STXBP4: variants seen among roughly 807,000 people sequenced by gnomAD.
STXBP4 encodes the protein syntaxin-binding protein 4.
Under a neutral mutation model 76.1 loss-of-function variants are expected in STXBP4, and 55 were observed. The observed-to-expected ratio is 0.72, with a 90% CI of 0.58 to 0.91. The LOEUF is 0.91. Ranked by LOEUF, STXBP4 falls within the 40% of genes least tolerant of loss-of-function variation. STXBP4 has a pLI of 0.00. For missense variants in STXBP4, 618 were observed against 636.9 expected, an observed-to-expected ratio of 0.97 and a Z score of 0.32; for synonymous variants, 201 against 220.2, an observed-to-expected ratio of 0.91 and a Z score of 0.77.
At chr17:55,108,649 T>C (rs2145047153) in intron 16 of STXBP4, among the ~76,000 whole-genome samples, 1 of 152,304 alleles carries the variant, frequency 6.6e-6, no homozygotes, top group East Asian at 1.9e-4. Flanking sequence ...TGGCTTTCCT[T>C]GGATAGGGGA....
chr17:55,138,646 G>A (rs1191134701), intron 16 of STXBP4, among the ~76,000 whole-genome samples: 1 of 152,086 alleles, frequency 6.6e-6, no homozygotes, highest in Non-Finnish European at 1.5e-5. Flanking sequence ...AAAAATAGAA[G>A]CATTGTATAT....
In STXBP4 at chr17:55,172,744, G is replaced by C. The variant is rs1457856318; in HGVS notation, c.*12833G>C. The stretch of plus-strand genomic sequence containing the variant: ...AAACTAAGGCTCGGATGAGTTATGT[G>C]ACTTCCCTGAGTCATGTTAGAGTAA... On this transcript the variant is annotated 3_prime_UTR_variant, in exon 18 of 18. Transcript: ENST00000376352. 6.6e-6 allele frequency: 1 copy of C among 152,116 alleles called. No individual in the cohort carries two copies. Among genetic ancestry groups the C allele is most frequent in the Non-Finnish European group, 1.5e-5 (1 of 68,008 alleles). The allele number at this position is 152,116 out of a possible 1,614,324, so 9.4% of individuals were successfully genotyped here. A position where few individuals can be genotyped will look rare whatever the true frequency, so the allele number is the denominator to read the frequency against.
At chr17:54,969,975 A>G (rs1028819210) in intron 1 of STXBP4, among the ~76,000 whole-genome samples, 1 of 152,252 alleles carries the variant, frequency 6.6e-6, no homozygotes, top group Non-Finnish European at 1.5e-5. Flanking sequence ...GAGAAGCGGT[A>G]GTAAAGTAAG....
chr17:54,979,412 A>G (rs1189208216), intron 1 of STXBP4, among the ~76,000 whole-genome samples: 4 of 152,180 alleles, frequency 2.6e-5, no homozygotes, highest in Admixed American at 2.0e-4. Flanking sequence ...GTTACTTTAT[A>G]TAGTGTGTGA....
At chr17:55,087,602 G>A (rs914517887) in intron 16 of STXBP4, among the ~76,000 whole-genome samples, 4 of 152,068 alleles carry the variant, frequency 2.6e-5, no homozygotes, top group Non-Finnish European at 5.9e-5. Context: ...TCATTGGTCT[G>A]TGTGATTTTA....
chr17:55,058,024 T>C (rs2078951990), intron 12 of STXBP4, among the ~76,000 whole-genome samples: 1 of 152,302 alleles, frequency 6.6e-6, no homozygotes, highest in African/African-American at 2.4e-5. Flanking sequence ...TACTTGTGCA[T>C]GTGTCTTTAT....
intron 8 of STXBP4, 160 bp from the exon 9 acceptor site, chr17:55,031,008 T>C (rs1219955191): frequency 1.9e-6 from 1 of 528,724 alleles, no homozygotes; most frequent in Non-Finnish European, 3.4e-6. Context: ...TAATCTTCAA[T>C]AGGCACTTAA....
chr17:55,190,570 CAGA>C, the STXBP4 span, among the ~76,000 whole-genome samples: 1 of 152,106 alleles, frequency 6.6e-6, no homozygotes, highest in African/African-American at 2.4e-5. Context: ...TCAAACCCCA[CAGA>C]AGAACAAAAG....
chr17:55,051,835 T>TTA lies in STXBP4; in HGVS notation c.1011+4689_1011+4690dup, dbSNP rs201322138. ...TATCATTGTGAATACATCATTTCTTTTATATATATGTGCATATGAACATGT... is the reference window on the plus strand; with the variant it reads ...TATCATTGTGAATACATCATTTCTTTTATATATATATGTGCATATGAACATGT... On this transcript the variant is annotated intron_variant, in intron 12 of 17. Coordinates refer to ENST00000376352, the MANE Select transcript of STXBP4 (RefSeq NM_178509.6). Among the ~76,000 whole-genome samples, 124 of 152,236 alleles carry TTA rather than the reference T, an allele frequency of 8.1e-4. 1 individual carries two copies. The East Asian group carries it at 0.02, about 24-fold the overall frequency.
At chr17:55,069,167 A>T (rs568239183) in intron 12 of STXBP4, among the ~76,000 whole-genome samples, 53 of 152,006 alleles carry the variant, frequency 3.5e-4, no homozygotes, top group East Asian at 3.5e-3. Context: ...AAAAAAAAAA[A>T]AAAAATAAGC....
chr17:54,998,286 A>G (rs1264560224), intron 4 of STXBP4, among the ~76,000 whole-genome samples: 2 of 152,166 alleles, frequency 1.3e-5, no homozygotes, highest in Non-Finnish European at 2.9e-5. Context: ...TCAAGGTGAA[A>G]ATCTCCCTTT....
chr17:55,059,902 C>T (rs1034190623), intron 12 of STXBP4, among the ~76,000 whole-genome samples: 1 of 151,932 alleles, frequency 6.6e-6, no homozygotes, highest in African/African-American at 2.4e-5. Context: ...ATAAAATGTG[C>T]AGTAATAAGG....
chr17:55,031,382 T>C lies in STXBP4; in HGVS notation c.763+118T>C, dbSNP rs921208332. 1.1e-4 allele frequency: 91 copies of C among 839,108 alleles called. No individual in the cohort carries two copies. In the African/African-American group the frequency reaches 1.4e-3, roughly 13 times the overall value. 52.0% of individuals were successfully genotyped at this position (839,108 alleles called of 1,614,324 possible). A position where few individuals can be genotyped will look rare whatever the true frequency, so the allele number is the denominator to read the frequency against. Reference sequence around the variant, plus strand: ...GGAGAGAATGAAAAGTAAAACTACATCCATTTCAAGGTCCTTAATCAGTAC... The same window carrying C: ...GGAGAGAATGAAAAGTAAAACTACACCCATTTCAAGGTCCTTAATCAGTAC... On this transcript the variant is annotated intron_variant, in intron 9 of 17. Transcript: ENST00000376352.
At chr17:55,124,201 G>T (rs868410386) in intron 16 of STXBP4, among the ~76,000 whole-genome samples, 1 of 152,140 alleles carries the variant, frequency 6.6e-6, no homozygotes, top group African/African-American at 2.4e-5. Context: ...ATGAGATGGA[G>T]GTCCAAATGA....
chr17:54,991,848 A>T (rs1478525700), intron 4 of STXBP4: 1 of 151,688 alleles, frequency 6.6e-6, no homozygotes, highest in African/African-American at 2.4e-5. Flanking sequence ...TTCTATTAAT[A>T]TCAAGCTATA....
At chr17:55,000,364 T>TA (rs2077889559) in intron 6 of STXBP4, 5 of 590,692 alleles carry the variant, frequency 8.5e-6, no homozygotes, top group Non-Finnish European at 8.5e-6. Flanking sequence ...TACTAACTGC[T>TA]ATATTATCTG....
chr17:55,154,949 C>T (rs2145184886), intron 17 of STXBP4, among the ~76,000 whole-genome samples: 1 of 151,960 alleles, frequency 6.6e-6, no homozygotes, highest in African/African-American at 2.4e-5. Context: ...TAAAATTTGT[C>T]CTCTAGACTG....
chr17:55,042,552 G>A (rs2078719962), intron 10 of STXBP4, among the ~76,000 whole-genome samples: 2 of 151,764 alleles, frequency 1.3e-5, no homozygotes, highest in Middle Eastern at 3.4e-3. Flanking sequence ...TTCCACATAG[G>A]AGATGGCTGT....
At chr17:55,179,103 C>T in the STXBP4 span, among the ~76,000 whole-genome samples, 17 of 151,954 alleles carry the variant, frequency 1.1e-4, no homozygotes, top group Admixed American at 1.3e-4. Context: ...CCACATTGCC[C>T]GAAACCAAAA....
Sources: gnomAD v4.1 joint callset for allele counts (sites outside exome capture counted in the v4.1 genomes callset) on GRCh38, gnomAD v4.1.1 for gene constraint, MANE v1.5 for transcripts, NCBI Gene and HGNC (gene_info 2026-07-23, HGNC 2026-07-21) for gene names.